The following RNMT variants were observed in gnomAD, a reference collection of about 807,000 sequenced individuals.
RNMT encodes the protein RNA guanine-7 methyltransferase.
RNMT carries 27 observed loss-of-function variants against 56.0 expected under a neutral mutation model. The observed-to-expected ratio is 0.48, with a 90% CI of 0.36 to 0.67. The LOEUF (loss-of-function observed/expected upper bound fraction) is 0.67. Ranked by LOEUF, RNMT falls within the 30% of genes least tolerant of loss-of-function variation. The pLI, the probability that RNMT is intolerant of heterozygous loss-of-function variation, is 0.00. For missense variants in RNMT, 519 were observed against 552.1 expected (o/e 0.94, Z 0.60); for synonymous variants, 184 against 176.2 (o/e 1.04, Z -0.35).
chr18:13,760,086 T>C lies in RNMT; in HGVS notation c.*107T>C. The C allele has an allele frequency of 6.7e-7, 1 of 1,481,768 alleles. No homozygotes were observed. The highest frequency in any genetic ancestry group is 9.0e-7 in the Non-Finnish European group (1 of 1,110,932). The allele number at this position is 1,481,768 out of a possible 1,614,324, so 91.8% of individuals were successfully genotyped here. On this transcript the variant is annotated 3_prime_UTR_variant, in exon 12 of 12. Transcript: ENST00000383314. The stretch of plus-strand genomic sequence containing the variant: ...TCTGTCTGTTGATTTTAATTCTAAA[T>C]GTGCAGGATGCTGCCAGAAACTCCA...
chr18:13,752,272 T>G, intron 9 of RNMT, 54 bp from the exon 10 acceptor site: 2 of 1,075,728 alleles, frequency 1.9e-6, no homozygotes, highest in Non-Finnish European at 2.9e-6. Context: ...GCATGTTTAA[T>G]TCTGAATTGT....
intron 5 of RNMT, among the ~76,000 whole-genome samples, chr18:13,739,252 A>G (rs923611911): frequency 2.0e-5 from 3 of 152,210 alleles, no homozygotes; most frequent in Non-Finnish European, 4.4e-5. Flanking sequence ...ATGTTTTGTT[A>G]CTTCCCATTT....
At chr18:13,751,884 C>T (rs1410174245) in intron 9 of RNMT, among the ~76,000 whole-genome samples, 8 of 151,936 alleles carry the variant, frequency 5.3e-5, no homozygotes, top group Admixed American at 5.2e-4. Context: ...AACCAACCAC[C>T]ACATGTTCTC....
At chr18:13,759,050 C>T (rs1385949881) in intron 11 of RNMT, among the ~76,000 whole-genome samples, 1 of 152,056 alleles carries the variant, frequency 6.6e-6, no homozygotes, top group Non-Finnish European at 1.5e-5. Context: ...AAGTTTGTGG[C>T]ACCTCAAAAC....
chr18:13,752,180 G>A lies in RNMT; in HGVS notation c.1258-146G>A, dbSNP rs2044460393. ...TCTTCCTTTTTTTTAATTTTTTTCT[G>A]TATTTCAAAAGTATGTATAGTTTGT... On this transcript the variant is annotated intron_variant, in intron 9 of 11. Coordinates refer to ENST00000383314, the MANE Select transcript of RNMT (RefSeq NM_003799.3). 7 of 560,466 alleles carry A rather than the reference G, an allele frequency of 1.2e-5. No homozygotes were observed. In the East Asian group the frequency reaches 2.0e-4, roughly 16 times the overall value. 34.7% of individuals were successfully genotyped at this position (560,466 alleles called of 1,614,324 possible).
rs1309042819 is a variant in RNMT, at chr18:13,746,265, T to C, written c.1185T>C (p.Phe395=). The C allele has an allele frequency of 1.9e-6, 3 of 1,575,484 alleles. No homozygotes were observed. The highest frequency in any genetic ancestry group is 2.6e-6 in the Non-Finnish European group (3 of 1,152,974). ...TGAAACTAGTCTACAAAAAAACATTTCTGGAATTCTACGAAGAAAAGATTA... is the reference window on the plus strand; with the variant it reads ...TGAAACTAGTCTACAAAAAAACATTCCTGGAATTCTACGAAGAAAAGATTA... The part of the protein sequence containing the change: ...YNMKLVYKKT[F]LEFYEEKIKN... The change falls in exon 9 of 12, where the codon TTT becomes TTC. Residue 395 remains phenylalanine, a synonymous_variant. Transcript: ENST00000383314.
chr18:13,758,381 T>C (rs2044576351), intron 11 of RNMT, among the ~76,000 whole-genome samples: 1 of 152,224 alleles, frequency 6.6e-6, no homozygotes, highest in South Asian at 2.1e-4. Context: ...GTAGCCACCT[T>C]CATCAATGAT....
chr18:13,754,169 AT>A (rs2044504427), intron 11 of RNMT, 22 bp downstream of exon 11: 21 of 1,499,448 alleles, frequency 1.4e-5, no homozygotes, highest in Non-Finnish European at 1.9e-5. Context: ...ATCAGCATAG[AT>A]TAACTGATAA....
At chr18:13,753,689 T>C (rs1443849378) in intron 10 of RNMT, among the ~76,000 whole-genome samples, 1 of 151,184 alleles carries the variant, frequency 6.6e-6, no homozygotes, top group East Asian at 1.9e-4. Context: ...GAGAATGGCA[T>C]GAACCCAGGA....
In RNMT at chr18:13,754,704, A is replaced by G. The variant is rs1019802107; in HGVS notation, c.1393+557A>G. Among the ~76,000 whole-genome samples the G allele has an allele frequency of 3.9e-5, 6 of 152,172 alleles. No individual in the cohort carries two copies. In the South Asian group the frequency reaches 6.2e-4, roughly 16 times the overall value. Reference sequence around the variant, plus strand: ...GCATGTGTAAACATTCTCATTGCCTATTTGTTACTAAGTAGCCATCTCCAT... The same window carrying G: ...GCATGTGTAAACATTCTCATTGCCTGTTTGTTACTAAGTAGCCATCTCCAT... On this transcript the variant is annotated intron_variant, in intron 11 of 11. Transcript: ENST00000383314.
At chr18:13,735,500 C>CTTTTTTT (rs5823269) in intron 4 of RNMT, among the ~76,000 whole-genome samples, 1 of 138,266 alleles carries the variant, frequency 7.2e-6, no homozygotes. Flanking sequence ...TGAGTGTTCA[C>CTTTTTTT]TTTTTTTTTT....
chr18:13,737,565 A>G (rs545115175), intron 5 of RNMT, among the ~76,000 whole-genome samples: 37 of 152,254 alleles, frequency 2.4e-4, no homozygotes, highest in African/African-American at 7.7e-4. Context: ...ATTAGTTACA[A>G]GACTTTCCTG....
Position 13,731,622 on chromosome 18 carries a change from C to T in RNMT, c.105C>T (p.Asn35=), listed in dbSNP as rs375584908. ...ETESSFNINE[N]TTASGTGLSE... is the part of the protein sequence containing the mutation. ...AGTCTTCATTCAATATTAATGAAAA[C>T]ACAACAGCTTCTGGGACTGGGCTTT... The change falls in exon 3 of 12, where the codon AAC becomes AAT. Residue 35 remains asparagine (N), a synonymous_variant. Transcript: ENST00000383314. 37 of 1,613,948 alleles carry T rather than the reference C, an allele frequency of 2.3e-5. No homozygotes were observed. In the Middle Eastern group the frequency reaches 2.8e-3, roughly 122 times the overall value.
At chr18:13,727,178 G>T (rs920141546) in intron 1 of RNMT, among the ~76,000 whole-genome samples, 2 of 152,242 alleles carry the variant, frequency 1.3e-5, no homozygotes, top group Non-Finnish European at 2.9e-5. Flanking sequence ...GGTCAAGCGG[G>T]CGGGTCGGGA....
At chr18:13,747,764 A>G (rs960020453) in intron 9 of RNMT, among the ~76,000 whole-genome samples, 4 of 152,154 alleles carry the variant, frequency 2.6e-5, no homozygotes, top group African/African-American at 7.2e-5. Context: ...TATATTTCCT[A>G]TACTTTAGAT....
chr18:13,761,793 T>C lies in RNMT; in HGVS notation c.*1814T>C. ...CTGTGTTCAGGCACCACCTTCCTCC[T>C]TGAGCTTTGCCTGTCTCTTGCCTTA... On this transcript the variant is annotated 3_prime_UTR_variant, in exon 12 of 12. Coordinates refer to ENST00000383314, the MANE Select transcript of RNMT (RefSeq NM_003799.3). The C allele has an allele frequency of 7.8e-7, 1 of 1,284,994 alleles. No homozygotes were observed. The highest frequency in any genetic ancestry group is 9.9e-7 in the Non-Finnish European group (1 of 1,010,394). 79.6% of individuals were successfully genotyped at this position (1,284,994 alleles called of 1,614,324 possible).
intron 1 of RNMT, chr18:13,730,366 C>G (rs2044046260): frequency 6.6e-6 from 1 of 152,198 alleles, no homozygotes; most frequent in Non-Finnish European, 1.5e-5. Flanking sequence ...CACTTTCTAC[C>G]TAATTGGAAC....
intron 1 of RNMT, among the ~76,000 whole-genome samples, chr18:13,727,210 G>A (rs1270711191): frequency 6.6e-6 from 1 of 152,246 alleles, no homozygotes; most frequent in African/African-American, 2.4e-5. Flanking sequence ...TCCCGCTTGG[G>A]CTTTATCCCG....
In RNMT at chr18:13,764,225, C is replaced by G. The variant is rs1423324411; in HGVS notation, c.*4246C>G. 6.6e-6 allele frequency: 1 copy of G among 152,092 alleles called. No homozygotes were observed. Among genetic ancestry groups the G allele is most frequent in the Non-Finnish European group, 1.5e-5 (1 of 68,028 alleles). 9.4% of individuals were successfully genotyped at this position (152,092 alleles called of 1,614,324 possible). A position where few individuals can be genotyped will look rare whatever the true frequency, so the allele number is the denominator to read the frequency against. On this transcript the variant is annotated 3_prime_UTR_variant, in exon 12 of 12. Coordinates refer to ENST00000383314, the MANE Select transcript of RNMT (RefSeq NM_003799.3). ...GACAGAGGCAAATCATTTTGTTTAA[C>G]TTTTTATTAAAGTGTAACTATAGAA...
Sources: gnomAD v4.1 joint callset for allele counts (sites outside exome capture counted in the v4.1 genomes callset) on GRCh38, gnomAD v4.1.1 for gene constraint, MANE v1.5 for transcripts, NCBI Gene and HGNC (gene_info 2026-07-23, HGNC 2026-07-21) for gene names.